Variants in CCL3 observed in about 807,000 individuals in gnomAD.
CCL3 encodes C-C motif chemokine 3.
A neutral mutation model predicts 8.1 loss-of-function variants in CCL3; 6 were observed. The ratio of observed to expected loss-of-function variants is 0.74; its 90% CI spans 0.41 to 1.46. The LOEUF (loss-of-function observed/expected upper bound fraction) is 1.46, where lower values mean the gene tolerates loss of function less well. Ranked by LOEUF, CCL3 falls within the 40% of genes most tolerant of loss-of-function variation. The pLI is 0.02. For missense variants in CCL3, 109 were observed against 117.7 expected (o/e 0.93, Z 0.34); for synonymous variants, 45 against 45.1 (o/e 1.00, Z 0.01).
rs200498715 is a variant in CCL3 at position 36,090,080 on chromosome 17, T to G, written c.-22A>C. 3 of 1,610,662 alleles carry G rather than the reference T, an allele frequency of 1.9e-6. No homozygotes were observed. The highest frequency in any genetic ancestry group is 2.5e-6 in the Non-Finnish European group (3 of 1,178,244). On this transcript the variant is annotated 5_prime_UTR_variant, in exon 1 of 3. Coordinates refer to ENST00000613922, the MANE Select transcript of CCL3 (RefSeq NM_002983.3). ...GCATGATTCTGAGCAGGTGACGGAATGTGGGCTCGAGTGTCAGCAGAGCCA... is the reference window on the plus strand; with the variant it reads ...GCATGATTCTGAGCAGGTGACGGAAGGTGGGCTCGAGTGTCAGCAGAGCCA...
Position 36,090,018 on chromosome 17 carries a change from G to A in CCL3, c.41C>T (p.Thr14Ile). The A allele has an allele frequency of 6.2e-7, 1 of 1,613,834 alleles. No homozygotes were observed. The highest frequency in any genetic ancestry group is 8.5e-7 in the Non-Finnish European group (1 of 1,180,038). ...STAALAVLLC[T>I]MALCNQFSAS... is the part of the protein sequence containing the mutation. ...AGAGAACTGGTTGCAGAGAGCCATG[G>A]TGCAGAGGAGGACAGCAAGGGCAGC... Residue 14 changes from threonine (T) to isoleucine (I), a missense_variant, in exon 1 of 3, where the codon ACC becomes ATC. Coordinates refer to ENST00000613922, the MANE Select transcript of CCL3 (RefSeq NM_002983.3).
chr17:36,088,500 A>G lies in CCL3; in HGVS notation c.*172T>C. On this transcript the variant is annotated 3_prime_UTR_variant, in exon 3 of 3. Coordinates refer to ENST00000613922, the MANE Select transcript of CCL3 (RefSeq NM_002983.3). ...AAATAAATTACAAAAACTAAATAGTATAAATAAATTAAAATTTAAGTTAAG... is the reference window on the plus strand; with the variant it reads ...AAATAAATTACAAAAACTAAATAGTGTAAATAAATTAAAATTTAAGTTAAG... The G allele has an allele frequency of 1.5e-6, 1 of 684,952 alleles. No homozygotes were observed. The highest frequency in any genetic ancestry group is 1.7e-5 in the South Asian group (1 of 57,566). The allele number at this position is 684,952 out of a possible 1,614,324, so 42.4% of individuals were successfully genotyped here.
rs2067008206 is a variant in CCL3, at chr17:36,088,625, C to T, written c.*47G>A. On this transcript the variant is annotated 3_prime_UTR_variant, in exon 3 of 3. Coordinates refer to ENST00000613922, the MANE Select transcript of CCL3 (RefSeq NM_002983.3). ...CCCAAGGCTCAGGCTCCTGCTCCTC[C>T]CCACTGGGCCCACCGAGGTCGCTGG... 1 of 1,607,018 alleles carries T rather than the reference C, an allele frequency of 6.2e-7. No individual in the cohort carries two copies. The highest frequency in any genetic ancestry group is 1.3e-5 in the African/African-American group (1 of 74,674).
chr17:36,089,392 C>G (rs2067021882), intron 1 of CCL3, 95 bp from the exon 2 acceptor site: 3 of 1,517,198 alleles, frequency 2.0e-6, no homozygotes, highest in Non-Finnish European at 2.7e-6. Flanking sequence ...GGCAGGCTTG[C>G]TCAGACCAAG....
At position 36,089,391 on chromosome 17, in the gene CCL3, G is replaced by C. The variant is rs114164709; in HGVS notation, c.74-94C>G. 727 of 1,509,016 alleles carry C rather than the reference G, an allele frequency of 4.8e-4. 2 individuals carry two copies. The African/African-American group carries it at 8.5e-3, about 18-fold the overall frequency. 93.5% of individuals were successfully genotyped at this position (1,509,016 alleles called of 1,614,324 possible). On this transcript the variant is annotated intron_variant, in intron 1 of 2. Coordinates refer to ENST00000613922, the MANE Select transcript of CCL3 (RefSeq NM_002983.3). ...CCGAGCAGTTGAGGAAGGCAGGCTT[G>C]CTCAGACCAAGTGACTGGAAGGCAT...
intron 1 of CCL3, 84 bp from the exon 2 acceptor site, chr17:36,089,381 A>G (rs1335465429): frequency 6.3e-5 from 100 of 1,578,090 alleles, no homozygotes; most frequent in Middle Eastern, 1.7e-4. Flanking sequence ...CAGTTGAGGA[A>G]GGCAGGCTTG....
chr17:36,088,823 C>T, intron 2 of CCL3, 61 bp from the exon 3 acceptor site: 1 of 1,597,000 alleles, frequency 6.3e-7, no homozygotes, highest in Non-Finnish European at 8.6e-7. Context: ...CCTGGGCCCA[C>T]CATGGCCCCA....
chr17:36,089,083 C>G (rs1568553294), intron 2 of CCL3, 100 bp downstream of exon 2: 1 of 1,500,028 alleles, frequency 6.7e-7, no homozygotes. Context: ...CGATAGGCTC[C>G]TGAAGGCTGG....
At chr17:36,089,542 T>A (rs1202738016) in intron 1 of CCL3, 1 of 614,080 alleles carries the variant, frequency 1.6e-6, no homozygotes, top group Non-Finnish European at 2.9e-6. Context: ...TTCTCTTATC[T>A]CAGTTCTCTT....
At chr17:36,088,870 C>T in intron 2 of CCL3, 108 bp from the exon 3 acceptor site, 1 of 1,469,428 alleles carries the variant, frequency 6.8e-7, no homozygotes, top group Non-Finnish European at 9.5e-7. Context: ...TCAGGGCTTG[C>T]TCCTCTTTCA....
At chr17:36,089,926 A>T (rs1598813408) in intron 1 of CCL3, 60 bp downstream of exon 1, 1 of 1,494,110 alleles carries the variant, frequency 6.7e-7, no homozygotes, top group East Asian at 2.3e-5. Context: ...ACAAGAAAAG[A>T]TTGATGTGGT....
chr17:36,089,359 C>G (rs184336940), intron 1 of CCL3, 62 bp from the exon 2 acceptor site: 1 of 1,610,006 alleles, frequency 6.2e-7, no homozygotes, highest in Admixed American at 1.7e-5. Flanking sequence ...CAGGCAGCTT[C>G]TGATCCCCGA....
intron 2 of CCL3, 30 bp downstream of exon 2, chr17:36,089,153 A>G (rs118134981): frequency 1.2e-6 from 2 of 1,613,148 alleles, no homozygotes; most frequent in African/African-American, 1.3e-5. Context: ...CCCTACCTCC[A>G]TAGAGGTGAG....
chr17:36,089,827 A>G (rs2067027956), intron 1 of CCL3, 159 bp downstream of exon 1: 2 of 776,452 alleles, frequency 2.6e-6, no homozygotes, highest in Non-Finnish European at 4.6e-6. Context: ...GACCCCTTCT[A>G]GAGATAAAAA....
In CCL3 at chr17:36,088,652, C is replaced by T. The variant is rs774884627; in HGVS notation, c.*20G>A. Reference sequence around the variant, plus strand: ...CACTGGGCCCACCGAGGTCGCTGGGCCTCGAAGCTTCTGGACCCCTCAGGC... The same window carrying T: ...CACTGGGCCCACCGAGGTCGCTGGGTCTCGAAGCTTCTGGACCCCTCAGGC... On this transcript the variant is annotated 3_prime_UTR_variant, in exon 3 of 3. Coordinates refer to ENST00000613922, the MANE Select transcript of CCL3 (RefSeq NM_002983.3). 8.1e-6 allele frequency: 13 copies of T among 1,612,842 alleles called. 1 individual carries two copies. In the East Asian group the frequency reaches 1.3e-4, roughly 17 times the overall value.
Position 36,089,362 on chromosome 17 carries a change from A to G in CCL3, c.74-65T>C, listed in dbSNP as rs971698018. 1.9e-6 allele frequency: 3 copies of G among 1,608,220 alleles called. No homozygotes were observed. In the African/African-American group the frequency reaches 4.0e-5, roughly 22 times the overall value. Reference sequence around the variant, plus strand: ...AGAAGAAAAGGCCAGGCAGCTTCTGATCCCCGAGCAGTTGAGGAAGGCAGG... The same window carrying G: ...AGAAGAAAAGGCCAGGCAGCTTCTGGTCCCCGAGCAGTTGAGGAAGGCAGG... On this transcript the variant is annotated intron_variant, in intron 1 of 2. Transcript: ENST00000613922.
intron 1 of CCL3, 94 bp downstream of exon 1, chr17:36,089,892 T>G: frequency 1.6e-6 from 2 of 1,245,154 alleles, no homozygotes; most frequent in Admixed American, 1.9e-5. Flanking sequence ...AGAAGTTCTC[T>G]TTTCTCTTGG....
chr17:36,089,263 G>A lies in CCL3; in HGVS notation c.108C>T (p.Ser36=). The A allele has an allele frequency of 6.2e-7, 1 of 1,614,080 alleles. No homozygotes were observed. Among genetic ancestry groups the A allele is most frequent in the South Asian group, 1.1e-5 (1 of 91,072 alleles). Residue 36 remains serine (S), a synonymous_variant, in exon 2 of 3, where the codon AGC becomes AGT. Coordinates refer to ENST00000613922, the MANE Select transcript of CCL3 (RefSeq NM_002983.3). ...TCTGTGGAATCTGCCGGGAGGTGTA[G>A]CTGAAGCAGCAGGCGGTCGGCGTGT... ...AADTPTACCF[S]YTSRQIPQNF...
chr17:36,088,838 T>C (rs577304178), intron 2 of CCL3, 76 bp from the exon 3 acceptor site: 265 of 1,578,624 alleles, frequency 1.7e-4, no homozygotes, highest in African/African-American at 1.0e-3. Flanking sequence ...GCCCCACCAT[T>C]CTGCTCTCTG....
Sources: gnomAD v4.1 joint callset for allele counts on GRCh38, gnomAD v4.1.1 for gene constraint, MANE v1.5 for transcripts, NCBI Gene and HGNC (gene_info 2026-07-23, HGNC 2026-07-21) for gene names.